AGBL1: variants seen among roughly 807,000 people sequenced by gnomAD.
AGBL1 encodes cytosolic carboxypeptidase 4.
AGBL1 carries 130 observed loss-of-function variants against 118.9 expected under a neutral mutation model. That is an observed-to-expected ratio of 1.09 (90% CI 0.95 to 1.26). AGBL1 has a LOEUF of 1.26. AGBL1 is among the 50% of genes most tolerant of loss of function. The probability of loss-of-function intolerance (pLI) is 0.00; values close to 1 mark genes in which losing one functional copy is unlikely to be tolerated. For missense variants in AGBL1, 1,584 were observed against 1,298.1 expected, an observed-to-expected ratio of 1.22 and a Z score of -3.38; for synonymous variants, 555 against 478.9, an observed-to-expected ratio of 1.16 and a Z score of -2.08.
intron 22 of AGBL1, among the ~76,000 whole-genome samples, chr15:86,904,887 T>C (rs909955804): frequency 6.6e-6 from 1 of 152,132 alleles, no homozygotes; most frequent in Admixed American, 6.5e-5. Context: ...TCTAGTATGA[T>C]CTCATTACAT....
intron 3 of AGBL1, among the ~76,000 whole-genome samples, chr15:86,147,016 C>T (rs1200785864): frequency 6.6e-6 from 1 of 152,046 alleles, no homozygotes; most frequent in Non-Finnish European, 1.5e-5. Flanking sequence ...GGGCAAAGAA[C>T]AGAAAATAAG....
rs1468861349 is a variant in AGBL1, at chr15:86,908,218, G to A, written c.*924G>A. ...TATAAAAGTGTATAGCTTAGCATTT[G>A]GTACACAACAACATTGGCTTATTTT... On this transcript the variant is annotated 3_prime_UTR_variant, in exon 23 of 23. Transcript: ENST00000614907. 6.6e-6 allele frequency: 1 copy of A among 152,098 alleles called. No homozygotes were observed. The highest frequency in any genetic ancestry group is 1.9e-4 in the East Asian group (1 of 5,190). The allele number at this position is 152,098 out of a possible 1,614,324, so 9.4% of individuals were successfully genotyped here. A position where few individuals can be genotyped will look rare whatever the true frequency, so the allele number is the denominator to read the frequency against.
At chr15:86,666,361 T>C (rs1156345670) in intron 21 of AGBL1, among the ~76,000 whole-genome samples, 1 of 152,216 alleles carries the variant, frequency 6.6e-6, no homozygotes, top group Admixed American at 6.6e-5. Flanking sequence ...AATTGATTTT[T>C]GTATATTTAA....
At chr15:86,529,712 G>T (rs11073641) in intron 19 of AGBL1, among the ~76,000 whole-genome samples, 4,307 of 151,324 alleles carry the variant, frequency 0.028, 80 homozygotes, top group African/African-American at 0.059. Context: ...CAGAGAGAAA[G>T]GTCAGGTTAC....
At chr15:86,323,206 G>A (rs2080132836) in intron 17 of AGBL1, among the ~76,000 whole-genome samples, 1 of 151,664 alleles carries the variant, frequency 6.6e-6, no homozygotes, top group Non-Finnish European at 1.5e-5. Flanking sequence ...TGGTTCTGTG[G>A]GAAGGTTGAA....
intron 16 of AGBL1, among the ~76,000 whole-genome samples, chr15:86,282,043 C>T (rs1393622010): frequency 6.6e-6 from 1 of 152,162 alleles, no homozygotes; most frequent in Non-Finnish European, 1.5e-5. Flanking sequence ...AAATTGTGTA[C>T]CCCTTTCAAC....
chr15:86,209,334 G>A (rs1037731914), intron 5 of AGBL1, among the ~76,000 whole-genome samples: 9 of 152,154 alleles, frequency 5.9e-5, no homozygotes, highest in South Asian at 4.1e-4. Context: ...TATTAGGTCT[G>A]CTTGGTGCAG....
At chr15:86,323,783 C>T (rs1193799039) in intron 17 of AGBL1, among the ~76,000 whole-genome samples, 1 of 152,204 alleles carries the variant, frequency 6.6e-6, no homozygotes, top group Non-Finnish European at 1.5e-5. Context: ...TCCTTTTACC[C>T]TACTAAGGTC....
chr15:86,663,455 A>C (rs929008254), intron 21 of AGBL1, among the ~76,000 whole-genome samples: 7 of 152,134 alleles, frequency 4.6e-5, no homozygotes, highest in Admixed American at 4.6e-4. Context: ...TACTCCTGCT[A>C]GTCACCACAC....
intron 3 of AGBL1, among the ~76,000 whole-genome samples, chr15:86,144,059 G>A (rs1396592305): frequency 6.6e-6 from 1 of 152,168 alleles, no homozygotes; most frequent in African/African-American, 2.4e-5. Context: ...TCAGGACAGA[G>A]CCCAGAACAA....
chr15:86,926,512 T>G (rs764092755), intron 23 of AGBL1, among the ~76,000 whole-genome samples: 9 of 152,192 alleles, frequency 5.9e-5, no homozygotes, highest in Non-Finnish European at 1.0e-4. Context: ...TTGAACACGA[T>G]GGATTTGACC....
At chr15:86,815,714 T>C (rs138096973) in intron 22 of AGBL1, among the ~76,000 whole-genome samples, 1,859 of 149,118 alleles carry the variant, frequency 0.012, 26 homozygotes, top group Middle Eastern at 0.062. Context: ...TTCTGATATA[T>C]TTAGAGAGAA....
chr15:86,422,375 A>C lies in AGBL1; in HGVS notation c.2555+24829A>C, dbSNP rs192194528. Among the ~76,000 whole-genome samples the C allele has an allele frequency of 9.2e-5, 14 of 152,326 alleles. No homozygotes were observed. The East Asian group carries it at 2.5e-3, about 27-fold the overall frequency. ...GGGTAAATAACAAAAGTAAGGCAGA[A>C]ATAAAGAAATTCTCTGAAACCAGTG... On this transcript the variant is annotated intron_variant, in intron 18 of 22. Transcript: ENST00000614907.
intron 5 of AGBL1, among the ~76,000 whole-genome samples, chr15:86,201,000 C>T (rs1258984650): frequency 1.3e-5 from 2 of 152,034 alleles, no homozygotes; most frequent in African/African-American, 4.8e-5. Context: ...AGTAAAAGTA[C>T]AAGGCATATA....
chr15:87,023,833 C>T (rs1422298989), intron 24 of AGBL1, among the ~76,000 whole-genome samples: 1 of 151,942 alleles, frequency 6.6e-6, no homozygotes, highest in African/African-American at 2.4e-5. Context: ...CAAAAGGAAA[C>T]TTCAAAGCCA....
rs541047702 is a variant in AGBL1, at chr15:86,329,186, C to T, written c.2374+33778C>T. On this transcript the variant is annotated intron_variant, in intron 17 of 22. Transcript: ENST00000614907. ...TGCTGGGTGCCTACCCCAGCCTGTT[C>T]CCCTGAGTTCGTGGTCCAGCAGATC... Among the ~76,000 whole-genome samples the T allele has an allele frequency of 7.9e-5, 12 of 152,202 alleles. No homozygotes were observed. In the East Asian group the frequency reaches 1.9e-3, roughly 25 times the overall value.
At chr15:86,287,427 C>T (rs549712031) in intron 16 of AGBL1, among the ~76,000 whole-genome samples, 137 of 152,242 alleles carry the variant, frequency 9.0e-4, no homozygotes, top group African/African-American at 3.2e-3. Flanking sequence ...AATCGCTTCC[C>T]AGACTAATGT....
rs2141726303 is a variant in AGBL1, at chr15:86,164,649, C to G, written c.488+5623C>G. Among the ~76,000 whole-genome samples the G allele has an allele frequency of 2.0e-5, 3 of 152,268 alleles. No individual in the cohort carries two copies. The Middle Eastern group carries it at 0.01, about 518-fold the overall frequency. ...CTCACAGTGTAATATTGAACCCAAC[C>G]TTTGGAACTGGGTTATCAGATGTTG... is the stretch of plus-strand genomic sequence containing the variant. On this transcript the variant is annotated intron_variant, in intron 5 of 22. Transcript: ENST00000614907.
At chr15:87,008,626 G>T (rs1464376611) in intron 24 of AGBL1, among the ~76,000 whole-genome samples, 2 of 152,202 alleles carry the variant, frequency 1.3e-5, no homozygotes, top group Non-Finnish European at 2.9e-5. Flanking sequence ...GGAACAGTTT[G>T]AAGGGCTCAG....
Sources: gnomAD v4.1 joint callset for allele counts (sites outside exome capture counted in the v4.1 genomes callset) on GRCh38, gnomAD v4.1.1 for gene constraint, MANE v1.5 for transcripts, NCBI Gene and HGNC (gene_info 2026-07-23, HGNC 2026-07-21) for gene names.